The following IRX2 variants were observed in gnomAD, a reference collection of about 807,000 sequenced individuals.
IRX2 encodes the protein iroquois homeobox 2, also known as iroquois-class homeodomain protein IRX-2.
IRX2 carries 26 observed loss-of-function variants against 42.9 expected under a neutral mutation model. The observed-to-expected ratio is 0.61, with a 90% CI of 0.44 to 0.84. The LOEUF (loss-of-function observed/expected upper bound fraction) is 0.84, where lower values mean the gene tolerates loss of function less well. IRX2 is among the 40% of genes least tolerant of loss of function. The pLI is 0.00. For missense variants in IRX2, 782 were observed against 713.9 expected, an observed-to-expected ratio of 1.10 and a Z score of -1.09; for synonymous variants, 424 against 353.9, an observed-to-expected ratio of 1.20 and a Z score of -2.22.
the IRX2 span, among the ~76,000 whole-genome samples, chr5:2,735,805 G>A: frequency 6.6e-6 from 1 of 152,204 alleles, no homozygotes; most frequent in African/African-American, 2.4e-5. Flanking sequence ...CTGCTGATAA[G>A]ATGCTCACCA....
At chr5:2,743,497 A>C (rs1737588671), downstream of IRX2, among the ~76,000 whole-genome samples, 1 of 144,914 alleles carries the variant, frequency 6.9e-6, no homozygotes, top group South Asian at 2.1e-4. Context: ...CGGAGAGCAG[A>C]AGGGCTGTCG....
At chr5:2,739,329 G>GGCC in the IRX2 span, among the ~76,000 whole-genome samples, 3 of 152,186 alleles carry the variant, frequency 2.0e-5, no homozygotes, top group Non-Finnish European at 4.4e-5. Context: ...TGGGGGCGGC[G>GGCC]GTGCCGGGGG....
chr5:2,744,570 A>C (rs1387879126), downstream of IRX2, among the ~76,000 whole-genome samples: 1 of 152,216 alleles, frequency 6.6e-6, no homozygotes, highest in East Asian at 1.9e-4. Flanking sequence ...AAACAAGCAA[A>C]TATACTCAAT....
chr5:2,736,069 C>T, the IRX2 span, among the ~76,000 whole-genome samples: 1 of 152,310 alleles, frequency 6.6e-6, no homozygotes, highest in African/African-American at 2.4e-5. Flanking sequence ...ACCTTCTTAC[C>T]CTATCAGCCC....
chr5:2,741,212 C>G (rs560507353), downstream of IRX2, among the ~76,000 whole-genome samples: 1 of 152,350 alleles, frequency 6.6e-6, no homozygotes, highest in East Asian at 1.9e-4. Flanking sequence ...TTCGATTTGC[C>G]CTTTTTCTTG....
At position 2,748,706 on chromosome 5, in the gene IRX2, C is replaced by A. The variant is rs1486943128; in HGVS notation, c.1002G>T (p.Glu334Asp). ...GCTGCTTGAGGTCCGACGTGGCGAT[C>A]TCGGCCAGCGACCACAGCTTGGGCT... ...ASKPKLWSLA[E>D]IATSDLKQPS... Residue 334 changes from glutamate (E) to aspartate (D), a missense_variant, in exon 3 of 4, where the codon GAG becomes GAT. This residue lies in a region of IRX2 where 520 missense variants were observed against 437.8 expected (regional missense o/e 1.19). Coordinates refer to ENST00000302057, the MANE Select transcript of IRX2 (RefSeq NM_033267.5). 8.6e-6 allele frequency: 12 copies of A among 1,401,036 alleles called. No homozygotes were observed. Among genetic ancestry groups the A allele is most frequent in the Non-Finnish European group, 9.3e-6 (10 of 1,078,558 alleles). 86.8% of individuals were successfully genotyped at this position (1,401,036 alleles called of 1,614,324 possible).
In IRX2 at chr5:2,751,298, G is replaced by A; in HGVS notation, c.116C>T (p.Ser39Leu). 1.4e-6 allele frequency: 2 copies of A among 1,433,994 alleles called. No individual in the cohort carries two copies. The highest frequency in any genetic ancestry group is 3.2e-5 in the East Asian group (1 of 31,248). The allele number at this position is 1,433,994 out of a possible 1,614,324, so 88.8% of individuals were successfully genotyped here. A position where few individuals can be genotyped will look rare whatever the true frequency, so the allele number is the denominator to read the frequency against. Residue 39 changes from serine (S) to leucine (L), a missense_variant, in exon 1 of 4, where the codon TCG becomes TTG. Physicochemically the swap from Ser to Leu is moderately radical, Grantham distance 145 (BLOSUM62 -2). Transcript: ENST00000302057. The surrounding 1 kb of genome is among the most constrained non-coding windows in gnomAD (Gnocchi z 4.0). ...AAPRSEELAR[S>L]ASGSAFSPYP... ...GGGGCTGAACGCCGAGCCCGACGCC[G>A]AGCGCGCCAGCTCCTCGCTGCGCGG...
In IRX2 at chr5:2,748,787, G is replaced by A. The variant is rs1286465477; in HGVS notation, c.921C>T (p.Gly307=). The stretch of plus-strand genomic sequence containing the variant: ...TCCGGCTGCCCTGGGGCGTCTTGCG[G>A]CCACCGCGGGGCGCGGCCTCGGGCG... ...SPPPEAAPRG[G]RKTPQGSRTS... The change falls in exon 3 of 4, where the codon GGC becomes GGT. Residue 307 remains glycine (G), a synonymous_variant. Coordinates refer to ENST00000302057, the MANE Select transcript of IRX2 (RefSeq NM_033267.5). 2.1e-6 allele frequency: 3 copies of A among 1,410,666 alleles called. No individual in the cohort carries two copies. The highest frequency in any genetic ancestry group is 1.5e-5 in the African/African-American group (1 of 65,938). The allele number at this position is 1,410,666 out of a possible 1,614,324, so 87.4% of individuals were successfully genotyped here.
In IRX2 at chr5:2,748,362, C is replaced by T; in HGVS notation, c.1346G>A (p.Gly449Asp). The T allele has an allele frequency of 6.9e-7, 1 of 1,453,724 alleles. No homozygotes were observed. The highest frequency in any genetic ancestry group is 9.0e-7 in the Non-Finnish European group (1 of 1,111,554). The allele number at this position is 1,453,724 out of a possible 1,614,324, so 90.1% of individuals were successfully genotyped here. The change falls in exon 3 of 4, where the codon GGC (glycine) becomes GAC (aspartate). Residue 449 changes from glycine (G) to aspartate (D), a missense_variant. Gly to Asp is a moderately conservative substitution (Grantham distance 94). This residue lies in a region of IRX2 where 520 missense variants were observed against 437.8 expected (regional missense o/e 1.19). Transcript: ENST00000302057. The stretch of plus-strand genomic sequence containing the variant: ...CCGCCTACCTTTCTTGGGCTCGTAG[C>T]CGCCGCCCGGGGACCGGTAGTGGGA... ...LESHYRSPGG[G>D]YEPKKDASEG...
chr5:2,748,983 G>C lies in IRX2; in HGVS notation c.725C>G (p.Pro242Arg). 1 of 1,597,286 alleles carries C rather than the reference G, an allele frequency of 6.3e-7. No homozygotes were observed. The highest frequency in any genetic ancestry group is 8.5e-7 in the Non-Finnish European group (1 of 1,179,446). Reference sequence around the variant, plus strand: ...GCACAGGGGGTCCCCGGCGCGGCACGGAAGCTTCTCCCCGTCCGACTCGGC... The same window carrying C: ...GCACAGGGGGTCCCCGGCGCGGCACCGAAGCTTCTCCCCGTCCGACTCGGC... ...CSAESDGEKL[P>R]CRAGDPLCES... Residue 242 changes from proline to arginine, a missense_variant, in exon 3 of 4, where the codon CCG becomes CGG. By Grantham distance (103) the Pro-to-Arg change is moderately radical. Around this residue, in one of 3 missense-constraint regions of IRX2, gnomAD observed 520 missense variants for 437.8 expected, o/e 1.19. Transcript: ENST00000302057.
chr5:2,743,003 T>C (rs1284663113), downstream of IRX2, among the ~76,000 whole-genome samples: 1 of 152,214 alleles, frequency 6.6e-6, no homozygotes, highest in East Asian at 1.9e-4. Flanking sequence ...TTCTTCGCAG[T>C]GGTTCTCGCC....
the IRX2 span, chr5:2,737,218 C>A: frequency 6.6e-6 from 1 of 152,194 alleles, no homozygotes; most frequent in Non-Finnish European, 1.5e-5. Flanking sequence ...ACGTGGGTAG[C>A]AAGTGACAAG....
At chr5:2,743,875 G>T (rs983737296), downstream of IRX2, among the ~76,000 whole-genome samples, 1 of 152,064 alleles carries the variant, frequency 6.6e-6, no homozygotes, top group Admixed American at 6.6e-5. Flanking sequence ...CAGGTTTTAG[G>T]TTCTTAGTGT....
At chr5:2,749,901 C>T (rs1737872092) in intron 1 of IRX2, 114 bp from the exon 2 acceptor site, 19 of 1,123,040 alleles carry the variant, frequency 1.7e-5, no homozygotes, top group Middle Eastern at 3.0e-4. Context: ...GAGTCTGGCT[C>T]TGGGGCTGCG....
rs746213461 is a variant in IRX2 at position 2,748,914 on chromosome 5, T to C, written c.794A>G (p.Asp265Gly). The C allele has an allele frequency of 1.3e-6, 2 of 1,596,486 alleles. No individual in the cohort carries two copies. Among genetic ancestry groups the C allele is most frequent in the South Asian group, 2.2e-5 (2 of 90,670 alleles). The change falls in exon 3 of 4, where the codon GAC becomes GGC. Residue 265 changes from aspartate to glycine, a missense_variant. Coordinates refer to ENST00000302057, the MANE Select transcript of IRX2 (RefSeq NM_033267.5). ...GCCCTCCTCGTCGTCGTCCTCGTCG[T>C]CCTCCAGGTCGTCATACTTGTCCTT... ...ECKDKYDDLE[D>G]DEDDDEEGER...
At position 2,748,328 on chromosome 5, in the gene IRX2, G is replaced by C; in HGVS notation, c.1363+17C>G. The C allele has an allele frequency of 2.2e-6, 3 of 1,385,426 alleles. No individual in the cohort carries two copies. Among genetic ancestry groups the C allele is most frequent in the Non-Finnish European group, 1.8e-6 (2 of 1,081,114 alleles). 85.8% of individuals were successfully genotyped at this position (1,385,426 alleles called of 1,614,324 possible). A position where few individuals can be genotyped will look rare whatever the true frequency, so the allele number is the denominator to read the frequency against. On this transcript the variant is annotated intron_variant, in intron 3 of 3. Coordinates refer to ENST00000302057, the MANE Select transcript of IRX2 (RefSeq NM_033267.5). ...TCTCCCTCCCCTCCCGGGCGCCGCC[G>C]GCCGCGGGCCGCCTACCTTTCTTGG...
chr5:2,751,114 C>A lies in IRX2; in HGVS notation c.249+51G>T. 3.3e-6 allele frequency: 4 copies of A among 1,210,036 alleles called. No homozygotes were observed. The highest frequency in any genetic ancestry group is 4.1e-6 in the Non-Finnish European group (4 of 973,364). The allele number at this position is 1,210,036 out of a possible 1,614,324, so 75.0% of individuals were successfully genotyped here. ...CCCGAGCCCCGCTCCGCCTGAGCCC[C>A]GTCTGGGTCCCGGCGCCCAGGAGTC... On this transcript the variant is annotated intron_variant, in intron 1 of 3. Transcript: ENST00000302057. This position sits in a 1 kb window ranked among gnomAD's most constrained non-coding sequence, Gnocchi z 4.0.
Position 2,748,690 on chromosome 5 carries a change from G to A in IRX2, c.1018C>T (p.Leu340Phe). ...CCCGGGCCCAGGCTCGGCTGCTTGA[G>A]GTCCGACGTGGCGATCTCGGCCAGC... ...WSLAEIATSDLKQPSLGPGCG... is the reference protein window; with the variant it reads ...WSLAEIATSDFKQPSLGPGCG... Residue 340 changes from leucine (L) to phenylalanine (F), a missense_variant, in exon 3 of 4, where the codon CTC (leucine) becomes TTC (phenylalanine). Physicochemically the swap from Leu to Phe is conservative, Grantham distance 22 (BLOSUM62 0). Transcript: ENST00000302057. 2 of 1,398,444 alleles carry A rather than the reference G, an allele frequency of 1.4e-6. No individual in the cohort carries two copies. The highest frequency in any genetic ancestry group is 1.6e-5 in the South Asian group (1 of 63,246). The allele number at this position is 1,398,444 out of a possible 1,614,324, so 86.6% of individuals were successfully genotyped here.
At chr5:2,748,300 G>A (rs757784440) in intron 3 of IRX2, 45 bp downstream of exon 3, 2 of 1,367,826 alleles carry the variant, frequency 1.5e-6, no homozygotes, top group South Asian at 3.5e-5. Flanking sequence ...CCCCGGGGCT[G>A]GCTCTCCCTC....
Sources: allele counts gnomAD v4.1 joint callset (sites outside exome capture counted in the v4.1 genomes callset), GRCh38; gene constraint gnomAD v4.1.1; regional missense constraint gnomAD v4.1.1; non-coding constraint Gnocchi (gnomAD v3.1); transcripts MANE v1.5; gene names NCBI Gene and HGNC (gene_info 2026-07-23, HGNC 2026-07-21).